ABI3BP: variants seen among roughly 807,000 people sequenced by gnomAD.
ABI3BP encodes the protein ABI family member 3 binding protein, also known as target of Nesh-SH3.
Under a neutral mutation model 268.6 loss-of-function variants are expected in ABI3BP, and 216 were observed. The ratio of observed to expected loss-of-function variants is 0.80; its 90% confidence interval spans 0.72 to 0.90. The LOEUF is 0.90. Among genes scored for constraint, ABI3BP ranks in the 40% least tolerant of loss-of-function variants. ABI3BP has a pLI of 0.00. For missense variants in ABI3BP, 2,090 were observed against 2,182.4 expected (o/e 0.96, Z 0.84); for synonymous variants, 730 against 730.0 (o/e 1.00, Z 0.00).
chr3:100,957,083 T>G (rs2077081569), intron 1 of ABI3BP, among the ~76,000 whole-genome samples: 1 of 152,204 alleles, frequency 6.6e-6, no homozygotes, highest in African/African-American at 2.4e-5. Flanking sequence ...GGTGCTATCT[T>G]GAGACTATTC....
chr3:100,926,520 C>T (rs752553456), intron 1 of ABI3BP, 39 bp from the exon 2 acceptor site: 1 of 1,576,044 alleles, frequency 6.3e-7, no homozygotes, highest in Non-Finnish European at 8.7e-7. Flanking sequence ...CTGTTACTTC[C>T]CCTTTTTAGC....
intron 31 of ABI3BP, among the ~76,000 whole-genome samples, chr3:100,830,950 A>G (rs142761842): frequency 1.3e-5 from 2 of 152,296 alleles, no homozygotes; most frequent in African/African-American, 4.8e-5. Flanking sequence ...TCATTTTCTT[A>G]GAAAAAGATA....
At chr3:100,863,926 A>T in intron 12 of ABI3BP, 76 bp downstream of exon 12, 1 of 1,093,304 alleles carries the variant, frequency 9.1e-7, no homozygotes, top group Non-Finnish European at 1.3e-6. Context: ...TAGCGTAATT[A>T]ATTCAAAAGA....
rs115896382 is a variant in ABI3BP, at chr3:100,913,651, T to C, written c.260-10965A>G. Among the ~76,000 whole-genome samples the C allele has an allele frequency of 8.4e-3, 1,287 of 152,322 alleles. 3 individuals are homozygous for C. Among genetic ancestry groups the C allele is most frequent in the Non-Finnish European group, 0.013 (884 of 68,032 alleles). On this transcript the variant is annotated intron_variant, in intron 2 of 67. Transcript: ENST00000471714. ...TAAGTAGCATAAGTAATGTCAACTT[T>C]ACTATGTTAATACATACAATATAAT...
chr3:100,851,746 C>A, intron 15 of ABI3BP, 129 bp downstream of exon 15: 1 of 713,896 alleles, frequency 1.4e-6, no homozygotes, highest in South Asian at 2.0e-5. Context: ...AACTCCCTGA[C>A]ACAGGTAGAA....
At chr3:100,987,639 T>C (rs1425527815) in intron 1 of ABI3BP, among the ~76,000 whole-genome samples, 1 of 152,220 alleles carries the variant, frequency 6.6e-6, no homozygotes, top group Non-Finnish European at 1.5e-5. Flanking sequence ...GCTTGATGTG[T>C]TGACTATTGA....
At chr3:100,853,487 C>T (rs2098891632) in intron 14 of ABI3BP, among the ~76,000 whole-genome samples, 1 of 152,186 alleles carries the variant, frequency 6.6e-6, no homozygotes, top group Non-Finnish European at 1.5e-5. Context: ...ATTTAATCCT[C>T]TCACACTAGG....
At chr3:100,922,959 G>A (rs2060743001) in intron 2 of ABI3BP, among the ~76,000 whole-genome samples, 1 of 151,948 alleles carries the variant, frequency 6.6e-6, no homozygotes, top group Non-Finnish European at 1.5e-5. Flanking sequence ...CATTTAACTT[G>A]GAACAAAAGT....
chr3:100,865,029 T>C, intron 10 of ABI3BP, 122 bp from the exon 11 acceptor site: 1 of 756,924 alleles, frequency 1.3e-6, no homozygotes, highest in Non-Finnish European at 2.2e-6. Context: ...TTTCTTTTTG[T>C]GTTACTATGT....
chr3:100,863,671 G>T (rs1248564137), intron 12 of ABI3BP: 8 of 219,056 alleles, frequency 3.7e-5, no homozygotes, highest in East Asian at 3.2e-4. Flanking sequence ...GAAGCAGTCT[G>T]CAGAAATATC....
intron 2 of ABI3BP, among the ~76,000 whole-genome samples, chr3:100,905,784 T>TA (rs1247032053): frequency 6.6e-6 from 1 of 152,144 alleles, no homozygotes; most frequent in Non-Finnish European, 1.5e-5. Flanking sequence ...TTGAACAATA[T>TA]AAAGATATAA....
At chr3:100,815,815 G>A (rs768589978) in intron 44 of ABI3BP, 97 bp downstream of exon 44, 75 of 762,596 alleles carry the variant, frequency 9.8e-5, no homozygotes, top group South Asian at 7.4e-4. Context: ...GAATAACAGC[G>A]TCTTAGGAAG....
At chr3:100,929,971 T>A (rs1214550240) in intron 1 of ABI3BP, among the ~76,000 whole-genome samples, 1 of 152,060 alleles carries the variant, frequency 6.6e-6, no homozygotes, top group South Asian at 2.1e-4. Flanking sequence ...TTGGACAATT[T>A]CTCCAATAAT....
chr3:100,784,185 G>C (rs1235482987), intron 57 of ABI3BP, among the ~76,000 whole-genome samples: 1 of 152,154 alleles, frequency 6.6e-6, no homozygotes, highest in African/African-American at 2.4e-5. Context: ...TTTTTATAGA[G>C]ACCTCAACAG....
At chr3:100,828,808 G>A (rs1024337604) in intron 33 of ABI3BP, among the ~76,000 whole-genome samples, 3 of 152,098 alleles carry the variant, frequency 2.0e-5, no homozygotes, top group East Asian at 1.9e-4. Flanking sequence ...TTTGTCCAAC[G>A]TGAGTACCAA....
At chr3:100,768,083 G>T (rs1199515556) in intron 62 of ABI3BP, among the ~76,000 whole-genome samples, 9 of 108,730 alleles carry the variant, frequency 8.3e-5, no homozygotes, top group Non-Finnish European at 1.1e-4. Flanking sequence ...TTTGGCTCAA[G>T]TTTTTTTTTT....
At position 100,958,148 on chromosome 3, in the gene ABI3BP, A is replaced by G. The variant is rs375724053; in HGVS notation, c.80-31667T>C. Among the ~76,000 whole-genome samples the G allele has an allele frequency of 3.2e-4, 49 of 152,382 alleles. No homozygotes were observed. The South Asian group carries it at 9.7e-3, about 30-fold the overall frequency. On this transcript the variant is annotated intron_variant, in intron 1 of 67. Coordinates refer to ENST00000471714, the MANE Select transcript of ABI3BP (RefSeq NM_001375547.2). ...TCATCCCTAATAGACTATATTCTGA[A>G]TATAAGACAATGAGTTTCATTGTAA...
intron 6 of ABI3BP, among the ~76,000 whole-genome samples, chr3:100,882,509 T>C (rs1303039224): frequency 6.6e-6 from 1 of 151,550 alleles, no homozygotes; most frequent in Non-Finnish European, 1.5e-5. Flanking sequence ...AAAGAAGGCT[T>C]AAAATATCTT....
chr3:100,945,663 A>G (rs1349388954), intron 1 of ABI3BP: 1 of 444,156 alleles, frequency 2.3e-6, no homozygotes, highest in Non-Finnish European at 4.5e-6. Flanking sequence ...TCACTAGTTC[A>G]GTCCTTTTAT....
Sources: gnomAD v4.1 joint callset for allele counts (sites outside exome capture counted in the v4.1 genomes callset) on GRCh38, gnomAD v4.1.1 for gene constraint, MANE v1.5 for transcripts, NCBI Gene and HGNC (gene_info 2026-07-23, HGNC 2026-07-21) for gene names.